TXNDC8: variants seen among roughly 807,000 people sequenced by gnomAD.
TXNDC8 encodes the protein thioredoxin domain containing 8.
Under a neutral mutation model 12.9 loss-of-function variants are expected in TXNDC8, and 15 were observed. The ratio of observed to expected loss-of-function variants is 1.16; its 90% confidence interval spans 0.78 to 1.79. The LOEUF is 1.79. TXNDC8 is among the 40% of genes most tolerant of loss of function. The pLI, the probability that TXNDC8 is intolerant of heterozygous loss-of-function variation, is 0.00. For missense variants in TXNDC8, 128 were observed against 113.2 expected (o/e 1.13, Z -0.59); for synonymous variants, 40 against 35.4 (o/e 1.13, Z -0.46).
intron 3 of TXNDC8, among the ~76,000 whole-genome samples, chr9:110,305,828 TTTCTTTTCC>T (rs1838446856): frequency 7.1e-6 from 1 of 141,514 alleles, no homozygotes; most frequent in South Asian, 2.3e-4. Context: ...TTTCCTTTCC[TTTCTTTTCC>T]TTTCTTTTCT....
chr9:110,321,129 T>C (rs1839077292), intron 3 of TXNDC8, among the ~76,000 whole-genome samples: 1 of 152,212 alleles, frequency 6.6e-6, no homozygotes, highest in African/African-American at 2.4e-5. Flanking sequence ...TTATATACTT[T>C]GAAAATAATT....
intron 3 of TXNDC8, among the ~76,000 whole-genome samples, chr9:110,319,081 G>A (rs1346944315): frequency 2.6e-5 from 4 of 152,086 alleles, no homozygotes; most frequent in African/African-American, 7.2e-5. Context: ...CTTGCCCCCC[G>A]ACCCCCAGTC....
intron 3 of TXNDC8, among the ~76,000 whole-genome samples, chr9:110,318,568 C>G (rs1019276347): frequency 1.3e-5 from 2 of 152,076 alleles, no homozygotes; most frequent in Non-Finnish European, 2.9e-5. Flanking sequence ...AACCCTGTCT[C>G]TACTACAAAA....
intron 3 of TXNDC8, among the ~76,000 whole-genome samples, chr9:110,314,638 T>C (rs886493752): frequency 6.6e-5 from 10 of 152,020 alleles, no homozygotes; most frequent in African/African-American, 1.9e-4. Flanking sequence ...TTCACTGTGT[T>C]AGCCAGGATG....
intron 2 of TXNDC8, among the ~76,000 whole-genome samples, chr9:110,326,723 C>T (rs1839333681): frequency 6.6e-6 from 1 of 152,122 alleles, no homozygotes. Flanking sequence ...TCCTTCACTG[C>T]CAATCTTTGT....
At chr9:110,330,226 T>A (rs1440297701) in intron 2 of TXNDC8, among the ~76,000 whole-genome samples, 8 of 152,250 alleles carry the variant, frequency 5.3e-5, no homozygotes, top group Admixed American at 5.2e-4. Flanking sequence ...TGAATTTTGA[T>A]CTTTCCTTTT....
chr9:110,303,858 C>T (rs1430982056), intron 4 of TXNDC8: 1 of 676,386 alleles, frequency 1.5e-6, no homozygotes, highest in African/African-American at 1.8e-5. Context: ...GTATAATAAT[C>T]TCGGAAATAA....
chr9:110,309,050 A>AT (rs1296209438), intron 3 of TXNDC8, among the ~76,000 whole-genome samples: 1 of 151,984 alleles, frequency 6.6e-6, no homozygotes, highest in African/African-American at 2.4e-5. Context: ...CTGTTATTTT[A>AT]TTTTTTCTCG....
At chr9:110,311,619 A>AT (rs1838680155) in intron 3 of TXNDC8, among the ~76,000 whole-genome samples, 1 of 121,352 alleles carries the variant, frequency 8.2e-6, no homozygotes, top group Non-Finnish European at 1.7e-5. Flanking sequence ...TGGATATAGT[A>AT]ATAGATATAT....
intron 3 of TXNDC8, among the ~76,000 whole-genome samples, chr9:110,314,431 CT>C (rs1564097890): frequency 7.9e-6 from 1 of 126,412 alleles, no homozygotes; most frequent in African/African-American, 3.0e-5. Flanking sequence ...TTTTCTTTTT[CT>C]TTTTTCTTTT....
chr9:110,322,919 C>T (rs1460021538), intron 3 of TXNDC8: 1 of 985,264 alleles, frequency 1.0e-6, no homozygotes, highest in African/African-American at 1.7e-5. Flanking sequence ...ACATGACCTC[C>T]TTCAGGTGCT....
intron 3 of TXNDC8, chr9:110,323,957 A>G: frequency 7.1e-6 from 11 of 1,550,812 alleles, no homozygotes; most frequent in Non-Finnish European, 9.6e-6. Context: ...TCCATTTCTG[A>G]TGGGGATGGA....
intron 3 of TXNDC8, among the ~76,000 whole-genome samples, chr9:110,307,904 T>C (rs1838523727): frequency 6.6e-6 from 1 of 152,202 alleles, no homozygotes; most frequent in African/African-American, 2.4e-5. Flanking sequence ...CTTGGGCACA[T>C]AGCATCAGGA....
intron 3 of TXNDC8, among the ~76,000 whole-genome samples, chr9:110,316,558 A>G (rs1360646554): frequency 6.6e-6 from 1 of 152,226 alleles, no homozygotes; most frequent in Non-Finnish European, 1.5e-5. Flanking sequence ...ATAAAAATCA[A>G]GCAAGCAGCT....
chr9:110,322,694 T>A, intron 3 of TXNDC8: 2 of 985,426 alleles, frequency 2.0e-6, no homozygotes, highest in Non-Finnish European at 2.4e-6. Flanking sequence ...GCAGCAGGAA[T>A]AAAACCAGAA....
chr9:110,331,527 T>C (rs899535443), intron 2 of TXNDC8, among the ~76,000 whole-genome samples: 4 of 152,222 alleles, frequency 2.6e-5, no homozygotes, highest in African/African-American at 9.6e-5. Flanking sequence ...TGTATTAAAA[T>C]CCTTTTCTAA....
At chr9:110,308,463 TTG>T (rs749903399) in intron 3 of TXNDC8, among the ~76,000 whole-genome samples, 56 of 128,826 alleles carry the variant, frequency 4.3e-4, no homozygotes, top group Non-Finnish European at 7.9e-4. Flanking sequence ...AGAGATCACA[TTG>T]TTTTTTTTTT....
chr9:110,337,805 C>T lies in TXNDC8; in HGVS notation c.-9G>A, dbSNP rs748139745. The T allele has an allele frequency of 5.6e-6, 9 of 1,613,492 alleles. No homozygotes were observed. The African/African-American group carries it at 1.1e-4, about 19-fold the overall frequency. On this transcript the variant is annotated 5_prime_UTR_variant, in exon 1 of 5. Transcript: ENST00000423740. ...TTAATAATCTGTACCATGATTACAC[C>T]AGGGAAGTGCTGATGAAAATCCCCT...
chr9:110,307,075 A>G (rs1050469491), intron 3 of TXNDC8, among the ~76,000 whole-genome samples: 5 of 151,062 alleles, frequency 3.3e-5, no homozygotes, highest in African/African-American at 4.9e-5. Flanking sequence ...CTGAATAGCT[A>G]GGACTACAAG....
Sources: allele counts gnomAD v4.1 joint callset (sites outside exome capture counted in the v4.1 genomes callset), GRCh38; gene constraint gnomAD v4.1.1; transcripts MANE v1.5; gene names NCBI Gene and HGNC (gene_info 2026-07-23, HGNC 2026-07-21).